PRKG2: variants seen among roughly 807,000 people sequenced by gnomAD.
PRKG2 encodes cGMP-dependent protein kinase 2.
PRKG2 carries 33 observed loss-of-function variants against 97.2 expected under a neutral mutation model. That is an observed-to-expected ratio of 0.34 (90% CI 0.26 to 0.45). PRKG2 has a LOEUF of 0.45. Ranked by LOEUF, PRKG2 falls within the 20% of genes least tolerant of loss-of-function variation. The pLI is 1.00. For synonymous variants in PRKG2, 330 were observed against 321.8 expected, an observed-to-expected ratio of 1.03 and a Z score of -0.27; for missense variants, 638 against 900.0, an observed-to-expected ratio of 0.71 and a Z score of 3.73.
intron 2 of PRKG2, chr4:81,175,857 T>C (rs929597105): frequency 2.0e-5 from 3 of 152,198 alleles, no homozygotes; most frequent in Admixed American, 6.6e-5. Context: ...ATAAAATTAT[T>C]GTGCTGCAAG....
At chr4:81,100,099 T>G (rs201888088) in intron 17 of PRKG2, among the ~76,000 whole-genome samples, 32,767 of 149,710 alleles carry the variant, frequency 0.22, 6,475 homozygotes, top group African/African-American at 0.52. Context: ...CCATGCTCAT[T>G]GGTAGGAAGA....
intron 6 of PRKG2, 72 bp downstream of exon 6, chr4:81,167,089 T>C (rs1157289054): frequency 1.9e-6 from 2 of 1,048,012 alleles, no homozygotes; most frequent in Non-Finnish European, 2.8e-6. Context: ...TTTATTTATT[T>C]ATGGTGTTAA....
intron 14 of PRKG2, among the ~76,000 whole-genome samples, chr4:81,111,405 TATATCATGTTATACATGATTAATATTA>T (rs1487730202): frequency 6.7e-6 from 1 of 149,596 alleles, no homozygotes; most frequent in African/African-American, 2.5e-5. Context: ...TGATTAATAT[TATATCATGTTATACATGATTAATATTA>T]TATCATGTTA....
At chr4:81,143,263 A>T (rs888732382) in intron 10 of PRKG2, among the ~76,000 whole-genome samples, 2 of 152,028 alleles carry the variant, frequency 1.3e-5, no homozygotes, top group African/African-American at 4.8e-5. Flanking sequence ...CAGTGTGGAA[A>T]TTTTTTTTAA....
At chr4:81,094,936 T>C (rs1462673748) in intron 17 of PRKG2, among the ~76,000 whole-genome samples, 2 of 152,198 alleles carry the variant, frequency 1.3e-5, no homozygotes, top group East Asian at 1.9e-4. Flanking sequence ...AAGATACTTC[T>C]GGCTGCTTTA....
In PRKG2 at chr4:81,177,577, C is replaced by T. The variant is rs891587795; in HGVS notation, c.462-2618G>A. Among the ~76,000 whole-genome samples, 43 of 151,978 alleles carry T rather than the reference C, an allele frequency of 2.8e-4. 1 individual carries two copies. Among genetic ancestry groups the T allele is most frequent in the Non-Finnish European group, 5.9e-5 (4 of 67,982 alleles). ...AATTAGCCGGGCATGGTGGTGGGTG[C>T]CTGTAGTCCCAGCTGTGGAGGCTGA... On this transcript the variant is annotated intron_variant, in intron 2 of 18. Coordinates refer to ENST00000264399, the MANE Select transcript of PRKG2 (RefSeq NM_006259.3).
intron 16 of PRKG2, among the ~76,000 whole-genome samples, 165 bp from the exon 17 acceptor site, chr4:81,104,597 T>C (rs932432590): frequency 1.3e-5 from 2 of 151,846 alleles, no homozygotes; most frequent in African/African-American, 4.8e-5. Flanking sequence ...ACATCTGAGT[T>C]TAGGGAGGTG....
At chr4:81,161,286 C>T (rs1350663742) in intron 6 of PRKG2, among the ~76,000 whole-genome samples, 2 of 152,106 alleles carry the variant, frequency 1.3e-5, no homozygotes, top group Non-Finnish European at 2.9e-5. Context: ...ATTCAAATCC[C>T]AGTTTACAAG....
intron 1 of PRKG2, among the ~76,000 whole-genome samples, chr4:81,208,007 G>A (rs888284019): frequency 2.6e-5 from 4 of 152,136 alleles, no homozygotes; most frequent in African/African-American, 4.8e-5. Flanking sequence ...GGCAACTGCA[G>A]GTTATTAAAA....
At chr4:81,132,957 C>A (rs1233112257) in intron 14 of PRKG2, among the ~76,000 whole-genome samples, 2 of 151,940 alleles carry the variant, frequency 1.3e-5, no homozygotes, top group Non-Finnish European at 1.5e-5. Context: ...AAATGAATGC[C>A]TATGGTAGCT....
chr4:81,171,396 C>A (rs1300445951), intron 4 of PRKG2, among the ~76,000 whole-genome samples: 3 of 152,060 alleles, frequency 2.0e-5, no homozygotes, highest in Non-Finnish European at 4.4e-5. Context: ...ACCACATTTT[C>A]TTTACCCAGT....
chr4:81,202,399 T>G (rs1316660730), intron 2 of PRKG2, among the ~76,000 whole-genome samples: 1 of 152,196 alleles, frequency 6.6e-6, no homozygotes, highest in Non-Finnish European at 1.5e-5. Context: ...CAAGGGAAAC[T>G]GAGGTACAAA....
intron 14 of PRKG2, among the ~76,000 whole-genome samples, chr4:81,111,542 T>C (rs1219678348): frequency 6.6e-6 from 1 of 151,840 alleles, no homozygotes; most frequent in Non-Finnish European, 1.5e-5. Context: ...AGGGAGATGA[T>C]GGTTGGGGAA....
chr4:81,103,140 T>C (rs1742968218), intron 17 of PRKG2, among the ~76,000 whole-genome samples: 1 of 152,242 alleles, frequency 6.6e-6, no homozygotes, highest in Non-Finnish European at 1.5e-5. Flanking sequence ...ATTTGAATAT[T>C]TAATACATCA....
intron 14 of PRKG2, among the ~76,000 whole-genome samples, chr4:81,125,588 G>C (rs1280492740): frequency 1.3e-5 from 2 of 152,188 alleles, no homozygotes. Flanking sequence ...TTGTGGCCAA[G>C]ATATTTGAAG....
chr4:81,137,534 C>A, intron 12 of PRKG2, 52 bp from the exon 13 acceptor site: 1 of 1,424,820 alleles, frequency 7.0e-7, no homozygotes, highest in South Asian at 1.2e-5. Context: ...GTTTAAAAAC[C>A]TTTTTAAAGT....
At position 81,171,794 on chromosome 4, in the gene PRKG2, T is replaced by C. The variant is rs1173350639; in HGVS notation, c.639A>G (p.Leu213=). The change falls in exon 4 of 19, where the codon CTA becomes CTG. Residue 213 remains leucine, a synonymous_variant. Coordinates refer to ENST00000264399, the MANE Select transcript of PRKG2 (RefSeq NM_006259.3). ...NHIFVLAEGR[L]EVFQGEKLLS... is the part of the protein sequence containing the mutation. ...GCAATTTCTCCCCTTGGAACACCTC[T>C]AGTCGACCCTCTATCAAGCAGAATT... 5 of 1,605,624 alleles carry C rather than the reference T, an allele frequency of 3.1e-6. No homozygotes were observed. The Admixed American group carries it at 8.6e-5, about 28-fold the overall frequency.
intron 1 of PRKG2, among the ~76,000 whole-genome samples, chr4:81,214,168 AAAG>A (rs1205335886): frequency 2.0e-5 from 3 of 151,090 alleles, no homozygotes; most frequent in Admixed American, 6.6e-5. Context: ...AAAAAAAAAA[AAAG>A]AAGGAGAAGA....
intron 14 of PRKG2, among the ~76,000 whole-genome samples, chr4:81,111,448 GATTA>G (rs1743965479): frequency 1.3e-5 from 2 of 151,838 alleles, no homozygotes; most frequent in East Asian, 1.9e-4. Flanking sequence ...TGTTATACAT[GATTA>G]ATATTATATC....
Sources: allele counts gnomAD v4.1 joint callset (sites outside exome capture counted in the v4.1 genomes callset), GRCh38; gene constraint gnomAD v4.1.1; transcripts MANE v1.5; gene names NCBI Gene and HGNC (gene_info 2026-07-23, HGNC 2026-07-21).